SERINC2: variants seen among roughly 807,000 people sequenced by gnomAD.
SERINC2 encodes the protein serine incorporator 2, also known as tumor differentially expressed protein 2.
Under a neutral mutation model 54.2 loss-of-function variants are expected in SERINC2, and 56 were observed. The observed-to-expected ratio is 1.03, with a 90% CI of 0.83 to 1.29. SERINC2 has a LOEUF of 1.29. Among genes scored for constraint, SERINC2 ranks in the 50% most tolerant of loss-of-function variants. SERINC2 has a pLI of 0.00. For synonymous variants in SERINC2, 272 were observed against 253.1 expected, an observed-to-expected ratio of 1.07 and a Z score of -0.71; for missense variants, 614 against 607.4, an observed-to-expected ratio of 1.01 and a Z score of -0.12.
At chr1:31,417,518 C>G (rs1412534175) in intron 1 of SERINC2, among the ~76,000 whole-genome samples, 2 of 152,152 alleles carry the variant, frequency 1.3e-5, no homozygotes, top group Non-Finnish European at 2.9e-5. Context: ...TCCCTGCCCC[C>G]TCCCTTTTAA....
chr1:31,427,713 G>A (rs1265145439), intron 6 of SERINC2, among the ~76,000 whole-genome samples: 1 of 152,014 alleles, frequency 6.6e-6, no homozygotes, highest in African/African-American at 2.4e-5. Context: ...TGCAGATGAG[G>A]AAACAAAGGC....
chr1:31,433,139 G>T lies in SERINC2; in HGVS notation c.1186G>T (p.Val396Leu). 2 of 1,613,780 alleles carry T rather than the reference G, an allele frequency of 1.2e-6. No homozygotes were observed. Among genetic ancestry groups the T allele is most frequent in the Non-Finnish European group, 1.7e-6 (2 of 1,180,018 alleles). Reference sequence around the variant, plus strand: ...CTACTCCTTCTTCCACTTCTGCCTGGTGCTGGCCTCACTGCACGTCATGAT... The same window carrying T: ...CTACTCCTTCTTCCACTTCTGCCTGTTGCTGGCCTCACTGCACGTCATGAT... The part of the protein sequence containing the change: ...YSYSFFHFCL[V>L]LASLHVMMTL... Residue 396 changes from valine (V) to leucine (L), a missense_variant, in exon 9 of 10, where the codon GTG becomes TTG. Val to Leu is a conservative substitution (Grantham distance 32, BLOSUM62 1). Transcript: ENST00000373709.
intron 1 of SERINC2, among the ~76,000 whole-genome samples, chr1:31,422,564 G>A (rs12039509): frequency 0.29 from 44,783 of 151,934 alleles, 7,530 homozygotes; most frequent in East Asian, 0.65. Flanking sequence ...CAGTGGGTAC[G>A]TGTCCTTCTT....
intron 5 of SERINC2, 39 bp downstream of exon 5, chr1:31,425,952 C>G (rs999277533): frequency 2.5e-6 from 4 of 1,592,872 alleles, no homozygotes; most frequent in Non-Finnish European, 3.4e-6. Flanking sequence ...GGGACTCGAG[C>G]CTGGGCAGGG....
At chr1:31,431,306 T>TC (rs1217962694) in intron 8 of SERINC2, among the ~76,000 whole-genome samples, 6 of 151,288 alleles carry the variant, frequency 4.0e-5, no homozygotes, top group Admixed American at 2.0e-4. Flanking sequence ...AAAAACATTT[T>TC]TTTTTTTTTT....
At chr1:31,432,900 AT>A in intron 8 of SERINC2, 66 bp from the exon 9 acceptor site, 4 of 1,302,714 alleles carry the variant, frequency 3.1e-6, no homozygotes, top group Non-Finnish European at 3.2e-6. Flanking sequence ...CTCTGGGACC[AT>A]TTGTGTCCAG....
intron 6 of SERINC2, among the ~76,000 whole-genome samples, chr1:31,428,651 G>A (rs1293638629): frequency 1.3e-5 from 2 of 152,160 alleles, no homozygotes; most frequent in African/African-American, 4.8e-5. Flanking sequence ...GGTGGGAGAG[G>A]CTGGGCAGAC....
chr1:31,430,510 A>AT (rs1641165974), intron 8 of SERINC2, among the ~76,000 whole-genome samples: 1 of 151,772 alleles, frequency 6.6e-6, no homozygotes, highest in Admixed American at 6.6e-5. Context: ...AAAAAAAAAA[A>AT]GGTTTTGTAA....
chr1:31,421,169 C>T (rs1323403434), intron 1 of SERINC2, among the ~76,000 whole-genome samples: 1 of 152,180 alleles, frequency 6.6e-6, no homozygotes. Context: ...GTGAACTGTG[C>T]ATGCGAGGGA....
chr1:31,421,995 T>A (rs1372127128), intron 1 of SERINC2, among the ~76,000 whole-genome samples: 1 of 152,194 alleles, frequency 6.6e-6, no homozygotes, highest in Non-Finnish European at 1.5e-5. Context: ...ATTATTTTAT[T>A]TTAAAATATT....
Position 31,414,556 on chromosome 1 carries a change from CAG to C in SERINC2, c.39+1257_39+1258del, listed in dbSNP as rs1640738273. On this transcript the variant is annotated intron_variant, in intron 1 of 9. Transcript: ENST00000373709. ...GAGAATGAGATCAGCATAGACAGCA[CAG>C]AGAGGCAAGAGAGCCTCTCGCCTCA... 14 of 987,910 alleles carry C rather than the reference CAG, an allele frequency of 1.4e-5. No homozygotes were observed. In the South Asian group the frequency reaches 2.3e-4, roughly 17 times the overall value. 61.2% of individuals were successfully genotyped at this position (987,910 alleles called of 1,614,324 possible). A position where few individuals can be genotyped will look rare whatever the true frequency, so the allele number is the denominator to read the frequency against.
At chr1:31,426,933 G>C in intron 6 of SERINC2, 110 bp downstream of exon 6, 4 of 965,782 alleles carry the variant, frequency 4.1e-6, no homozygotes, top group Non-Finnish European at 6.2e-6. Flanking sequence ...GGCACGGCCT[G>C]AGTGTGTGGG....
At position 31,434,603 on chromosome 1, in the gene SERINC2, C is replaced by T. The variant is rs1641421613; in HGVS notation, c.*404C>T. 4 of 226,526 alleles carry T rather than the reference C, an allele frequency of 1.8e-5. No homozygotes were observed. Among genetic ancestry groups the T allele is most frequent in the African/African-American group, 9.0e-5 (4 of 44,424 alleles). 14.0% of individuals were successfully genotyped at this position (226,526 alleles called of 1,614,324 possible). On this transcript the variant is annotated 3_prime_UTR_variant, in exon 10 of 10. Coordinates refer to ENST00000373709, the MANE Select transcript of SERINC2 (RefSeq NM_178865.5). ...TTCCTGGTCACGTCCCCCAGGGGAC[C>T]CTGCCCACTTCCTGGACTTCGTGCC...
At chr1:31,409,880 TGGGGGCACTGAGGC>T, upstream of SERINC2, 2 of 1,535,432 alleles carry the variant, frequency 1.3e-6, no homozygotes, top group South Asian at 1.2e-5. Context: ...GAGAATGGAT[TGGGGGCACTGAGGC>T]GGGGGCAGGA....
chr1:31,420,600 T>G (rs995277246), intron 1 of SERINC2, among the ~76,000 whole-genome samples: 4 of 152,200 alleles, frequency 2.6e-5, no homozygotes, highest in Non-Finnish European at 2.9e-5. Flanking sequence ...ATCAGTGAAT[T>G]AGCGAGCTGG....
chr1:31,431,850 T>C (rs61781666), intron 8 of SERINC2, among the ~76,000 whole-genome samples: 642 of 29,218 alleles, frequency 0.022, 2 homozygotes, highest in Admixed American at 0.078. Context: ...ATAGGGTGGA[T>C]AGGGTGGATA....
chr1:31,424,900 C>G (rs1427140756), intron 3 of SERINC2, 27 bp downstream of exon 3: 5 of 1,584,462 alleles, frequency 3.2e-6, no homozygotes, highest in Non-Finnish European at 4.3e-6. Flanking sequence ...TGCCTGCACC[C>G]TGGGACCTTC....
chr1:31,431,993 A>ATAGGGTGGT (rs1641255091), intron 8 of SERINC2, among the ~76,000 whole-genome samples: 1 of 93,014 alleles, frequency 1.1e-5, no homozygotes, highest in African/African-American at 4.9e-5. Context: ...GATAGGGTGG[A>ATAGGGTGGT]TAGGGTGGAT....
chr1:31,427,130 C>G (rs782722437), intron 6 of SERINC2, among the ~76,000 whole-genome samples: 1 of 152,186 alleles, frequency 6.6e-6, no homozygotes, highest in Non-Finnish European at 1.5e-5. Context: ...GTAGATATCT[C>G]TCAGACATTA....
Sources: allele counts gnomAD v4.1 joint callset (sites outside exome capture counted in the v4.1 genomes callset), GRCh38; gene constraint gnomAD v4.1.1; transcripts MANE v1.5; gene names NCBI Gene and HGNC (gene_info 2026-07-23, HGNC 2026-07-21).